Variants in KLF12 observed in about 807,000 individuals in gnomAD.
KLF12 encodes the protein KLF transcription factor 12.
KLF12 carries 9 observed loss-of-function variants against 37.8 expected under a neutral mutation model. The ratio of observed to expected loss-of-function variants is 0.24; its 90% CI spans 0.14 to 0.42. KLF12 has a LOEUF of 0.42. Among genes scored for constraint, KLF12 ranks in the 10% least tolerant of loss-of-function variants. The probability of loss-of-function intolerance (pLI) is 1.00; values close to 1 mark genes in which losing one functional copy is unlikely to be tolerated. For missense variants in KLF12, 411 were observed against 516.0 expected (o/e 0.80, Z 1.97); for synonymous variants, 208 against 202.1 (o/e 1.03, Z -0.25).
chr13:74,005,975 C>G (rs1892400201), intron 1 of KLF12, among the ~76,000 whole-genome samples: 1 of 152,158 alleles, frequency 6.6e-6, no homozygotes, highest in Non-Finnish European at 1.5e-5. Flanking sequence ...CTTCCTGTCA[C>G]CACATCTGGG....
At chr13:74,088,271 CTTT>C (rs1227052983) in intron 1 of KLF12, among the ~76,000 whole-genome samples, 3 of 147,194 alleles carry the variant, frequency 2.0e-5, no homozygotes, top group Non-Finnish European at 4.5e-5. Flanking sequence ...GTGGCTATAG[CTTT>C]TTTTTTTTGA....
intron 3 of KLF12, among the ~76,000 whole-genome samples, chr13:73,848,539 T>C (rs1456061795): frequency 6.7e-6 from 1 of 148,456 alleles, no homozygotes. Flanking sequence ...TCATAAATAA[T>C]ATTAGCTATA....
rs370171518 is a variant in KLF12, at chr13:74,087,458, A to G, written c.-32+46281T>C. Among the ~76,000 whole-genome samples, 12 of 152,222 alleles carry G rather than the reference A, an allele frequency of 7.9e-5. No homozygotes were observed. The East Asian group carries it at 2.1e-3, about 27-fold the overall frequency. On this transcript the variant is annotated intron_variant, in intron 1 of 7. Transcript: ENST00000377669. ...GAATCTTCTGCCAAAGCAATCTCAC[A>G]ATAGCTCAGAGTCAAGGACAGCTGC...
At chr13:74,218,730 A>G in the KLF12 span, among the ~76,000 whole-genome samples, 1 of 152,202 alleles carries the variant, frequency 6.6e-6, no homozygotes, top group Non-Finnish European at 1.5e-5. Context: ...ACCAAATGAG[A>G]TAACGAGTCT....
chr13:74,200,155 T>A, the KLF12 span, among the ~76,000 whole-genome samples: 1 of 151,032 alleles, frequency 6.6e-6, no homozygotes, highest in Non-Finnish European at 1.5e-5. Flanking sequence ...GAGGAATGGA[T>A]GTGGGGACAT....
At chr13:74,256,504 G>C in the KLF12 span, among the ~76,000 whole-genome samples, 2 of 152,288 alleles carry the variant, frequency 1.3e-5, no homozygotes, top group Admixed American at 1.3e-4. Flanking sequence ...AAAATGAAAT[G>C]ATCCACAGGA....
At chr13:74,122,599 T>C (rs978573833) in intron 1 of KLF12, among the ~76,000 whole-genome samples, 3 of 152,068 alleles carry the variant, frequency 2.0e-5, no homozygotes, top group African/African-American at 7.2e-5. Context: ...TATTACATCA[T>C]TAGTTTAAAA....
chr13:74,171,412 A>G, the KLF12 span, among the ~76,000 whole-genome samples: 6 of 152,272 alleles, frequency 3.9e-5, no homozygotes, highest in South Asian at 8.3e-4. Context: ...GTAGGCAGTG[A>G]GCGGAGGGAC....
the KLF12 span, among the ~76,000 whole-genome samples, chr13:74,246,213 G>A: frequency 1.9e-4 from 29 of 152,216 alleles, no homozygotes; most frequent in East Asian, 7.7e-4. Context: ...AATGGATGAC[G>A]CACTTATGAC....
chr13:73,747,721 C>T (rs1172447590), intron 6 of KLF12, among the ~76,000 whole-genome samples: 1 of 151,936 alleles, frequency 6.6e-6, no homozygotes, highest in Non-Finnish European at 1.5e-5. Flanking sequence ...ATTAGCAAGC[C>T]CCATTTTACA....
chr13:73,720,139 G>C (rs919704840), intron 6 of KLF12, among the ~76,000 whole-genome samples: 1 of 151,982 alleles, frequency 6.6e-6, no homozygotes, highest in Admixed American at 6.6e-5. Context: ...TAGATAAGCT[G>C]GAAAAAGTGA....
At chr13:73,972,328 C>G (rs74095930) in intron 2 of KLF12, among the ~76,000 whole-genome samples, 7 of 152,086 alleles carry the variant, frequency 4.6e-5, no homozygotes, top group Admixed American at 3.9e-4. Flanking sequence ...CATTAAAGAA[C>G]GTCTTTAAAA....
At chr13:73,859,713 C>T (rs1341286950) in intron 3 of KLF12, among the ~76,000 whole-genome samples, 1 of 152,096 alleles carries the variant, frequency 6.6e-6, no homozygotes, top group Non-Finnish European at 1.5e-5. Context: ...CAACAAAAAT[C>T]CTTCCTCATT....
At chr13:74,287,234 C>A in the KLF12 span, among the ~76,000 whole-genome samples, 1 of 152,062 alleles carries the variant, frequency 6.6e-6, no homozygotes, top group Non-Finnish European at 1.5e-5. Context: ...GCTCATTGCT[C>A]ATGCAGGTGA....
intron 2 of KLF12, among the ~76,000 whole-genome samples, chr13:73,966,268 T>C (rs547054047): frequency 4.6e-4 from 70 of 152,334 alleles, no homozygotes; most frequent in Non-Finnish European, 9.1e-4. Flanking sequence ...TATATGAAGC[T>C]ACCTCATTAT....
the KLF12 span, among the ~76,000 whole-genome samples, chr13:74,266,561 G>A: frequency 6.6e-5 from 10 of 152,124 alleles, no homozygotes; most frequent in African/African-American, 2.2e-4. Flanking sequence ...CATCTTCCTG[G>A]TATCATCCTG....
chr13:74,139,587 A>T, the KLF12 span, among the ~76,000 whole-genome samples: 2 of 152,170 alleles, frequency 1.3e-5, no homozygotes, highest in African/African-American at 4.8e-5. Flanking sequence ...AATATAATAC[A>T]TTTGGAGCAT....
intron 3 of KLF12, among the ~76,000 whole-genome samples, chr13:73,904,436 T>C (rs980254667): frequency 5.3e-5 from 8 of 150,414 alleles, no homozygotes; most frequent in Admixed American, 6.7e-5. Flanking sequence ...CACTAAGAGA[T>C]GGAAAGACAG....
At chr13:73,798,471 G>A (rs113576292) in intron 5 of KLF12, among the ~76,000 whole-genome samples, 8,394 of 152,156 alleles carry the variant, frequency 0.055, 729 homozygotes, top group African/African-American at 0.19. Flanking sequence ...CATCGATGGA[G>A]TAAAAAAACA....
Sources: gnomAD v4.1 joint callset for allele counts (sites outside exome capture counted in the v4.1 genomes callset) on GRCh38, gnomAD v4.1.1 for gene constraint, MANE v1.5 for transcripts, NCBI Gene and HGNC (gene_info 2026-07-23, HGNC 2026-07-21) for gene names.